The following FHIT variants were observed in gnomAD, a reference collection of about 807,000 sequenced individuals.
FHIT encodes fragile histidine triad diadenosine triphosphatase, also known as bis(5'-adenosyl)-triphosphatase.
FHIT carries 19 observed loss-of-function variants against 17.9 expected under a neutral mutation model. The observed-to-expected ratio is 1.06, with a 90% CI of 0.74 to 1.56. The LOEUF is 1.56. Among genes scored for constraint, FHIT ranks in the 40% most tolerant of loss-of-function variants. The pLI is 0.00. For synonymous variants in FHIT, 81 were observed against 69.7 expected, an observed-to-expected ratio of 1.16 and a Z score of -0.81; for missense variants, 248 against 189.2, an observed-to-expected ratio of 1.31 and a Z score of -1.82.
intron 4 of FHIT, among the ~76,000 whole-genome samples, chr3:60,554,749 C>T (rs147136519): frequency 6.6e-6 from 1 of 152,118 alleles, no homozygotes; most frequent in African/African-American, 2.4e-5. Context: ...TTACATTGAA[C>T]AAATTAAAGT....
intron 4 of FHIT, among the ~76,000 whole-genome samples, chr3:60,600,600 C>T (rs2038413007): frequency 6.6e-6 from 1 of 152,108 alleles, no homozygotes; most frequent in African/African-American, 2.4e-5. Flanking sequence ...GTCAGCCCCA[C>T]CAACTCACCC....
chr3:60,453,384 T>G (rs145742038), intron 5 of FHIT, among the ~76,000 whole-genome samples: 3 of 152,284 alleles, frequency 2.0e-5, no homozygotes, highest in African/African-American at 7.2e-5. Flanking sequence ...GTAACAGTTT[T>G]TCAGCATACA....
intron 3 of FHIT, among the ~76,000 whole-genome samples, chr3:60,933,295 G>T (rs1374776066): frequency 7.2e-5 from 11 of 152,218 alleles, no homozygotes; most frequent in African/African-American, 2.7e-4. Flanking sequence ...TTTAGTGTCA[G>T]TAGTTACGTT....
At chr3:61,168,435 G>T (rs1051236246) in intron 2 of FHIT, among the ~76,000 whole-genome samples, 1 of 152,218 alleles carries the variant, frequency 6.6e-6, no homozygotes, top group African/African-American at 2.4e-5. Flanking sequence ...GCACCTGAAA[G>T]AATTTAACCT....
chr3:59,852,506 T>C (rs1312885650), intron 8 of FHIT, among the ~76,000 whole-genome samples: 5 of 152,172 alleles, frequency 3.3e-5, no homozygotes, highest in African/African-American at 9.7e-5. Flanking sequence ...TTTGTTACAA[T>C]TTGTGAACCT....
chr3:60,984,423 G>C (rs1375405329), intron 3 of FHIT, among the ~76,000 whole-genome samples: 1 of 152,144 alleles, frequency 6.6e-6, no homozygotes, highest in African/African-American at 2.4e-5. Flanking sequence ...CCACCCAAAT[G>C]TTCAGAGCTT....
At chr3:61,222,675 G>A (rs1326384461) in intron 1 of FHIT, among the ~76,000 whole-genome samples, 4 of 152,280 alleles carry the variant, frequency 2.6e-5, no homozygotes, top group East Asian at 3.9e-4. Flanking sequence ...ATGACAAGAC[G>A]AGGAGTGGGA....
intron 2 of FHIT, among the ~76,000 whole-genome samples, chr3:61,058,438 A>C (rs2034303982): frequency 6.6e-6 from 1 of 152,204 alleles, no homozygotes; most frequent in Non-Finnish European, 1.5e-5. Context: ...ATTTGTGTCC[A>C]CGCCTAAATC....
chr3:60,998,781 A>G (rs1379434099), intron 3 of FHIT, among the ~76,000 whole-genome samples: 1 of 152,104 alleles, frequency 6.6e-6, no homozygotes, highest in East Asian at 1.9e-4. Flanking sequence ...TTAGGTACAC[A>G]TTTACTGCAT....
At chr3:61,238,312 C>G (rs1005329546) in intron 1 of FHIT, among the ~76,000 whole-genome samples, 4 of 152,132 alleles carry the variant, frequency 2.6e-5, no homozygotes, top group Non-Finnish European at 5.9e-5. Context: ...GACTTACAAT[C>G]AGTAACAGAA....
At chr3:60,538,039 C>A (rs537152052) in intron 4 of FHIT, among the ~76,000 whole-genome samples, 37 of 152,242 alleles carry the variant, frequency 2.4e-4, no homozygotes, top group Non-Finnish European at 4.0e-4. Flanking sequence ...AAAGTGATGT[C>A]TTTTTGTATG....
At chr3:60,470,501 C>T (rs1280842516) in intron 5 of FHIT, among the ~76,000 whole-genome samples, 1 of 151,916 alleles carries the variant, frequency 6.6e-6, no homozygotes, top group Non-Finnish European at 1.5e-5. Context: ...GCTCCGGGCA[C>T]ATGGAGAGTA....
At chr3:60,083,926 G>A (rs976491083) in intron 5 of FHIT, among the ~76,000 whole-genome samples, 8 of 152,166 alleles carry the variant, frequency 5.3e-5, no homozygotes, top group African/African-American at 1.4e-4. Context: ...CTGCTATAGT[G>A]CTATTAAGCT....
rs1278498437 is a variant in FHIT at position 60,187,834 on chromosome 3, T to A, written c.104-173682A>T. On this transcript the variant is annotated intron_variant, in intron 5 of 9. Transcript: ENST00000492590. Reference sequence around the variant, plus strand: ...CTTCTAAGTATGATATAATTCAGCCTTACTGATCATAGCTGGTAATCACTC... The same window carrying A: ...CTTCTAAGTATGATATAATTCAGCCATACTGATCATAGCTGGTAATCACTC... Among the ~76,000 whole-genome samples, 4 of 152,300 alleles carry A rather than the reference T, an allele frequency of 2.6e-5. No homozygotes were observed. In the East Asian group the frequency reaches 7.7e-4, roughly 29 times the overall value.
chr3:61,225,787 G>A (rs1389929681), intron 1 of FHIT, among the ~76,000 whole-genome samples: 1 of 152,180 alleles, frequency 6.6e-6, no homozygotes, highest in Non-Finnish European at 1.5e-5. Flanking sequence ...GTTGTAGCTT[G>A]TTTTCCATCA....
chr3:60,861,241 C>CATATA (rs373429855), intron 3 of FHIT, among the ~76,000 whole-genome samples: 38 of 37,110 alleles, frequency 1.0e-3, no homozygotes, highest in African/African-American at 7.2e-3. Flanking sequence ...TATATCATAT[C>CATATA]ATATATGATA....
chr3:61,028,885 C>T (rs2032868235), intron 3 of FHIT, among the ~76,000 whole-genome samples: 1 of 147,948 alleles, frequency 6.8e-6, no homozygotes, highest in Non-Finnish European at 1.5e-5. Context: ...GCACCCCCCA[C>T]CAACAAAAAA....
chr3:60,769,406 G>A (rs1191592996), intron 4 of FHIT, among the ~76,000 whole-genome samples: 1 of 152,154 alleles, frequency 6.6e-6, no homozygotes, highest in Non-Finnish European at 1.5e-5. Flanking sequence ...TTCCTTACCA[G>A]GAAATTTGAG....
intron 5 of FHIT, among the ~76,000 whole-genome samples, chr3:60,133,031 C>CTG (rs1699662172): frequency 6.6e-6 from 1 of 152,086 alleles, no homozygotes; most frequent in African/African-American, 2.4e-5. Context: ...TGACTGTACA[C>CTG]CTACCGAAAC....
Sources: gnomAD v4.1 joint callset for allele counts (sites outside exome capture counted in the v4.1 genomes callset) on GRCh38, gnomAD v4.1.1 for gene constraint, MANE v1.5 for transcripts, NCBI Gene and HGNC (gene_info 2026-07-23, HGNC 2026-07-21) for gene names.